The following SRP19 variants were observed in gnomAD, a reference collection of about 807,000 sequenced individuals.
The protein encoded by SRP19 is signal recognition particle 19 kDa protein.
In SRP19, 11 loss-of-function variants were observed where a neutral mutation model predicts 22.4. The observed-to-expected ratio is 0.49, with a 90% CI of 0.31 to 0.81. The LOEUF (loss-of-function observed/expected upper bound fraction) is 0.81. Among genes scored for constraint, SRP19 ranks in the 40% least tolerant of loss-of-function variants. The pLI is 0.05. For synonymous variants in SRP19, 61 were observed against 57.6 expected (o/e 1.06, Z -0.27); for missense variants, 168 against 175.9 (o/e 0.96, Z 0.25).
chr5:112,868,885 G>T lies in SRP19; in HGVS notation c.*1348G>T, dbSNP rs531914353. ...TGGGATTACAGGCATGAGCTAGCTG[G>T]CCTGTTGACTTTTTTTTTTTAACTC... On this transcript the variant is annotated 3_prime_UTR_variant, in exon 5 of 5. Transcript: ENST00000505459. 2.0e-5 allele frequency: 3 copies of T among 152,118 alleles called. No homozygotes were observed. The highest frequency in any genetic ancestry group is 7.2e-5 in the African/African-American group (3 of 41,478). The allele number at this position is 152,118 out of a possible 1,614,324, so 9.4% of individuals were successfully genotyped here.
intron 4 of SRP19, 171 bp from the exon 5 acceptor site, chr5:112,867,233 C>G: frequency 1.5e-6 from 1 of 659,562 alleles, no homozygotes; most frequent in South Asian, 3.1e-5. Context: ...CAGTACATTT[C>G]CCCCGACTTG....
chr5:112,863,241 A>C (rs1289646550), intron 2 of SRP19, among the ~76,000 whole-genome samples: 1 of 152,104 alleles, frequency 6.6e-6, no homozygotes, highest in Non-Finnish European at 1.5e-5. Context: ...CTGCTTTTTC[A>C]GTTTTCTGTA....
chr5:112,862,494 A>C lies in SRP19; in HGVS notation c.42-14A>C. On this transcript the variant is annotated splice_polypyrimidine_tract_variant and intron_variant, in intron 1 of 4. Coordinates refer to ENST00000505459, the MANE Select transcript of SRP19 (RefSeq NM_003135.3). ...CTGCTCTAGTGATACCACTTATGCTATTGTCTATGGCAGGTTTATTTGTAT... is the reference window on the plus strand; with the variant it reads ...CTGCTCTAGTGATACCACTTATGCTCTTGTCTATGGCAGGTTTATTTGTAT... 1 of 1,612,090 alleles carries C rather than the reference A, an allele frequency of 6.2e-7. No individual in the cohort carries two copies. Among genetic ancestry groups the C allele is most frequent in the South Asian group, 1.1e-5 (1 of 90,984 alleles).
At chr5:112,878,903 C>G (rs904883009) in intron 4 of SRP19, 1 of 1,611,036 alleles carries the variant, frequency 6.2e-7, no homozygotes, top group South Asian at 1.1e-5. Context: ...AGCTTGCAAG[C>G]TTTGTGCCTA....
exon 5 of SRP19, chr5:112,891,903 A>C (rs766789334): frequency 3.8e-6 from 5 of 1,314,100 alleles, no homozygotes; most frequent in Non-Finnish European, 3.3e-6. Context: ...AGAAGGCACA[A>C]GAAGAATTCA....
In SRP19 at chr5:112,878,913, A is replaced by G. The variant is rs566778570; in HGVS notation, c.302-12690A>G. 6.8e-6 allele frequency: 11 copies of G among 1,607,444 alleles called. No homozygotes were observed. In the East Asian group the frequency reaches 2.5e-4, roughly 36 times the overall value. ...ATGCAAGCTTGCAAGCTTTGTGCCTAATGTAGCTACTAGATAACAAAACTT... is the reference window on the plus strand; with the variant it reads ...ATGCAAGCTTGCAAGCTTTGTGCCTGATGTAGCTACTAGATAACAAAACTT... On this transcript the variant is annotated intron_variant, in intron 4 of 4. Coordinates refer to the SRP19 transcript ENST00000391338.
chr5:112,862,454 T>C lies in SRP19; in HGVS notation c.42-54T>C, dbSNP rs1767438657. Reference sequence around the variant, plus strand: ...TTTGGTTCCCTGCCACCCGACCCTTTTCTCCTGCCTCTTACTGCTCTAGTG... The same window carrying C: ...TTTGGTTCCCTGCCACCCGACCCTTCTCTCCTGCCTCTTACTGCTCTAGTG... On this transcript the variant is annotated intron_variant, in intron 1 of 4. Coordinates refer to ENST00000505459, the MANE Select transcript of SRP19 (RefSeq NM_003135.3). 14 of 1,547,254 alleles carry C rather than the reference T, an allele frequency of 9.0e-6. No homozygotes were observed. In the South Asian group the frequency reaches 1.5e-4, roughly 16 times the overall value.
chr5:112,873,109 C>A (rs1419532855), downstream of SRP19, among the ~76,000 whole-genome samples: 1 of 141,916 alleles, frequency 7.0e-6, no homozygotes, highest in Non-Finnish European at 1.5e-5. Flanking sequence ...TTTTTTTGCC[C>A]ATCGTGCTGG....
At position 112,892,775 on chromosome 5, in the gene SRP19, ACAG is replaced by A. The variant is rs1768522252; in HGVS notation, c.*1172_*1174del. 1.9e-6 allele frequency: 3 copies of A among 1,614,092 alleles called. No individual in the cohort carries two copies. In the East Asian group the frequency reaches 6.7e-5, roughly 36 times the overall value. ...AAGATGGGCCACCACGACCACTACT[ACAG>A]CAGGCAGCGGGGAAGGAGAAACCCT... On this transcript the variant is annotated 3_prime_UTR_variant, in exon 5 of 5. Coordinates refer to the SRP19 transcript ENST00000391338.
At chr5:112,879,289 G>C (rs1743865113) in intron 4 of SRP19, among the ~76,000 whole-genome samples, 1 of 117,954 alleles carries the variant, frequency 8.5e-6, no homozygotes, top group African/African-American at 3.3e-5. Flanking sequence ...CTCATTCCCA[G>C]CACTAGAAAT....
At chr5:112,874,731 A>G (rs750204621), downstream of SRP19, among the ~76,000 whole-genome samples, 19 of 151,606 alleles carry the variant, frequency 1.3e-4, no homozygotes, top group Middle Eastern at 3.2e-3. Flanking sequence ...TTTTTTAACA[A>G]CACTCCTCTC....
downstream of SRP19, chr5:112,893,859 A>G (rs968201967): frequency 3.3e-5 from 5 of 152,184 alleles, no homozygotes; most frequent in Non-Finnish European, 4.4e-5. Context: ...TTTCCCAGCA[A>G]CTCTGCTCTA....
exon 5 of SRP19, chr5:112,892,506 TTCTC>T (rs1491288984): frequency 6.2e-7 from 1 of 1,614,056 alleles, no homozygotes; most frequent in Non-Finnish European, 8.5e-7. Flanking sequence ...AAGCAGCCCT[TTCTC>T]TGTTTAACGG....
intron 4 of SRP19, among the ~76,000 whole-genome samples, chr5:112,888,829 T>C (rs929596340): frequency 4.0e-5 from 6 of 150,726 alleles, no homozygotes; most frequent in African/African-American, 1.5e-4. Context: ...GAGACTGACA[T>C]GGTTTAGCTG....
At position 112,867,848 on chromosome 5, in the gene SRP19, T is replaced by A; in HGVS notation, c.*311T>A. ...TAAGTTGTTTCAGATAAATTTCAATTAGATTTAAAATAAACATTTTGTCCA... is the reference window on the plus strand; with the variant it reads ...TAAGTTGTTTCAGATAAATTTCAATAAGATTTAAAATAAACATTTTGTCCA... On this transcript the variant is annotated 3_prime_UTR_variant, in exon 5 of 5. Transcript: ENST00000505459. 1 of 1,036,198 alleles carries A rather than the reference T, an allele frequency of 9.7e-7. No individual in the cohort carries two copies. Among genetic ancestry groups the A allele is most frequent in the Non-Finnish European group, 1.2e-6 (1 of 861,560 alleles). The allele number at this position is 1,036,198 out of a possible 1,614,324, so 64.2% of individuals were successfully genotyped here.
At chr5:112,887,164 C>T in intron 4 of SRP19, 2 of 1,604,526 alleles carry the variant, frequency 1.2e-6, no homozygotes, top group Non-Finnish European at 8.5e-7. Flanking sequence ...CGGGGCCATG[C>T]ACCACAACAG....
intron 1 of SRP19, 94 bp from the exon 2 acceptor site, chr5:112,862,414 C>A: frequency 1.0e-6 from 1 of 987,626 alleles, no homozygotes; most frequent in Non-Finnish European, 1.6e-6. Context: ...GATATCTAGG[C>A]AGCATGAATT....
At chr5:112,863,659 C>CT (rs961516729) in intron 2 of SRP19, among the ~76,000 whole-genome samples, 5 of 152,142 alleles carry the variant, frequency 3.3e-5, no homozygotes, top group African/African-American at 9.6e-5. Context: ...TCTTTTCTAC[C>CT]TTCTTTTTTG....
downstream of SRP19, among the ~76,000 whole-genome samples, chr5:112,871,554 C>A (rs1012560610): frequency 4.0e-5 from 6 of 151,788 alleles, no homozygotes; most frequent in African/African-American, 1.5e-4. Flanking sequence ...GTCAGGAGTT[C>A]GAGACCAGCC....
Sources: allele counts gnomAD v4.1 joint callset (sites outside exome capture counted in the v4.1 genomes callset), GRCh38; gene constraint gnomAD v4.1.1; transcripts MANE v1.5; gene names NCBI Gene and HGNC (gene_info 2026-07-23, HGNC 2026-07-21).